The following SNX7 variants were observed in gnomAD, a reference collection of about 807,000 sequenced individuals.
SNX7 encodes sorting nexin 7, also known as sorting nexin-7.
A neutral mutation model predicts 48.4 loss-of-function variants in SNX7; 35 were observed. The observed-to-expected ratio is 0.72, with a 90% confidence interval of 0.55 to 0.96. The LOEUF (loss-of-function observed/expected upper bound fraction) is 0.96. Ranked by LOEUF, SNX7 falls within the 40% of genes least tolerant of loss-of-function variation. SNX7 has a pLI of 0.00. For synonymous variants in SNX7, 190 were observed against 190.2 expected (o/e 1.00, Z 0.01); for missense variants, 553 against 548.9 (o/e 1.01, Z -0.07).
chr1:98,669,010 G>C (rs1011089020), intron 1 of SNX7, among the ~76,000 whole-genome samples: 5 of 152,202 alleles, frequency 3.3e-5, no homozygotes, highest in Admixed American at 6.5e-5. Context: ...TTAACTGTAA[G>C]AGCAGTGGAA....
chr1:98,756,422 GTT>G (rs35117249), intron 8 of SNX7, among the ~76,000 whole-genome samples: 463 of 54,674 alleles, frequency 8.5e-3, no homozygotes, highest in African/African-American at 0.03. Flanking sequence ...TGCCAGATGA[GTT>G]TTTTTTTTTT....
chr1:98,691,585 T>G lies in SNX7; in HGVS notation c.525T>G (p.Asp175Glu). Residue 175 changes from aspartate (D) to glutamate (E), a missense_variant, in exon 4 of 9, where the codon GAT (aspartate) becomes GAG (glutamate). Coordinates refer to ENST00000306121, the MANE Select transcript of SNX7 (RefSeq NM_015976.5). ...IVKGMVERFNDDFIETRRKAL... is the reference protein window; with the variant it reads ...IVKGMVERFNEDFIETRRKAL... Reference sequence around the variant, plus strand: ...AAGGAATGGTGGAACGCTTTAACGATGACTTCATTGAGACACGCAGGAAGG... The same window carrying G: ...AAGGAATGGTGGAACGCTTTAACGAGGACTTCATTGAGACACGCAGGAAGG... 6.2e-7 allele frequency: 1 copy of G among 1,609,230 alleles called. No homozygotes were observed. Among genetic ancestry groups the G allele is most frequent in the South Asian group, 1.1e-5 (1 of 90,358 alleles).
intron 1 of SNX7, among the ~76,000 whole-genome samples, chr1:98,665,781 G>A (rs1232876592): frequency 2.6e-5 from 4 of 151,938 alleles, no homozygotes; most frequent in African/African-American, 9.7e-5. Context: ...GTAGAGACAG[G>A]GTTTCATCAT....
intron 2 of SNX7, among the ~76,000 whole-genome samples, chr1:98,690,854 A>G (rs1651081092): frequency 6.6e-6 from 1 of 151,998 alleles, no homozygotes; most frequent in African/African-American, 2.4e-5. Context: ...TAAGTATGAT[A>G]TTTGCTTTCT....
intron 4 of SNX7, among the ~76,000 whole-genome samples, chr1:98,693,454 C>T (rs1451013880): frequency 7.9e-5 from 12 of 152,214 alleles, no homozygotes; most frequent in Admixed American, 7.9e-4. Context: ...TCAATCTTGA[C>T]AGATAGTCCT....
intron 8 of SNX7, among the ~76,000 whole-genome samples, chr1:98,749,964 A>G (rs570950513): frequency 6.6e-6 from 1 of 152,150 alleles, no homozygotes; most frequent in Admixed American, 6.6e-5. Context: ...GCTTACTGAG[A>G]AAGATGTAAT....
chr1:98,696,166 TC>T (rs1013257755), intron 5 of SNX7, among the ~76,000 whole-genome samples: 3 of 152,014 alleles, frequency 2.0e-5, no homozygotes, highest in African/African-American at 7.2e-5. Context: ...TTTCCTATTT[TC>T]TTTTTTTTTT....
intron 1 of SNX7, among the ~76,000 whole-genome samples, chr1:98,665,635 T>TA (rs1355139233): frequency 6.6e-6 from 1 of 152,156 alleles, no homozygotes; most frequent in Non-Finnish European, 1.5e-5. Context: ...ATTATCTAGG[T>TA]TGGAGTGCAG....
chr1:98,760,252 C>A lies in SNX7; in HGVS notation c.*121C>A. On this transcript the variant is annotated 3_prime_UTR_variant, in exon 9 of 9. Transcript: ENST00000306121. ...AAATGTTTTGTACCCATCTGGAAAA[C>A]CAACAACTTGAAATCTCAGGTATTC... is the stretch of plus-strand genomic sequence containing the variant. The A allele has an allele frequency of 1.4e-6, 1 of 720,750 alleles. No homozygotes were observed. Among genetic ancestry groups the A allele is most frequent in the Non-Finnish European group, 2.4e-6 (1 of 423,082 alleles). The allele number at this position is 720,750 out of a possible 1,614,324, so 44.6% of individuals were successfully genotyped here.
At chr1:98,758,958 T>G (rs1237430204) in intron 8 of SNX7, among the ~76,000 whole-genome samples, 2 of 151,994 alleles carry the variant, frequency 1.3e-5, no homozygotes, top group Non-Finnish European at 2.9e-5. Context: ...CACATAAGTA[T>G]ATACATACAT....
Position 98,744,172 on chromosome 1 carries a change from T to A in SNX7, c.1278+5783T>A, listed in dbSNP as rs1471664306. ...GAGGTGAAAGCAAAGGAAGGAAAATTTGGCCATTCTCAGTCATATTTCCTA... is the reference window on the plus strand; with the variant it reads ...GAGGTGAAAGCAAAGGAAGGAAAATATGGCCATTCTCAGTCATATTTCCTA... On this transcript the variant is annotated intron_variant, in intron 8 of 8. Transcript: ENST00000306121. Among the ~76,000 whole-genome samples the A allele has an allele frequency of 2.0e-5, 3 of 152,008 alleles. No homozygotes were observed. In the East Asian group the frequency reaches 5.8e-4, roughly 29 times the overall value.
chr1:98,719,306 A>G (rs1263435644), intron 7 of SNX7, among the ~76,000 whole-genome samples: 1 of 152,076 alleles, frequency 6.6e-6, no homozygotes, highest in East Asian at 1.9e-4. Flanking sequence ...TGTCCACAGA[A>G]AAGCTATTTA....
At chr1:98,688,012 A>G (rs1650900217) in intron 2 of SNX7, among the ~76,000 whole-genome samples, 2 of 152,186 alleles carry the variant, frequency 1.3e-5, no homozygotes, top group Admixed American at 1.3e-4. Flanking sequence ...TCAAGATGAG[A>G]TTTGGATGGG....
At chr1:98,693,137 A>G (rs1235519080) in intron 4 of SNX7, among the ~76,000 whole-genome samples, 1 of 151,898 alleles carries the variant, frequency 6.6e-6, no homozygotes, top group East Asian at 1.9e-4. Context: ...AAGTTAGGAT[A>G]AAAGTCCTTA....
intron 7 of SNX7, among the ~76,000 whole-genome samples, chr1:98,723,584 GTCGGGTGCAGTGGC>G (rs920801564): frequency 4.0e-5 from 6 of 151,804 alleles, no homozygotes; most frequent in African/African-American, 7.3e-5. Context: ...AAAATTCTAG[GTCGGGTGCAGTGGC>G]TCACACCCGT....
chr1:98,692,108 A>C (rs1386441167), intron 4 of SNX7, among the ~76,000 whole-genome samples: 1 of 152,090 alleles, frequency 6.6e-6, no homozygotes, highest in Non-Finnish European at 1.5e-5. Context: ...TTGAAAATCC[A>C]TGTGTAACTT....
At chr1:98,726,743 G>A (rs1653195190) in intron 7 of SNX7, among the ~76,000 whole-genome samples, 1 of 152,062 alleles carries the variant, frequency 6.6e-6, no homozygotes, top group African/African-American at 2.4e-5. Context: ...AACTCATTGA[G>A]AAACTCTAAG....
intron 6 of SNX7, among the ~76,000 whole-genome samples, chr1:98,700,042 G>A (rs1361372304): frequency 6.6e-6 from 1 of 152,086 alleles, no homozygotes; most frequent in East Asian, 1.9e-4. Context: ...CCATTAATTA[G>A]TGTTTTCTCC....
At chr1:98,670,852 T>C (rs78325906) in intron 1 of SNX7, among the ~76,000 whole-genome samples, 3 of 144,664 alleles carry the variant, frequency 2.1e-5, no homozygotes, top group Non-Finnish European at 4.5e-5. Context: ...TACAGCTCTT[T>C]TATGTAGAGA....
Sources: allele counts gnomAD v4.1 joint callset (sites outside exome capture counted in the v4.1 genomes callset), GRCh38; gene constraint gnomAD v4.1.1; transcripts MANE v1.5; gene names NCBI Gene and HGNC (gene_info 2026-07-23, HGNC 2026-07-21).